AXDND1: variants seen among roughly 807,000 people sequenced by gnomAD.
The protein encoded by AXDND1 is axonemal dynein light chain domain containing 1.
A neutral mutation model predicts 137.5 loss-of-function variants in AXDND1; 110 were observed. That is an observed-to-expected ratio of 0.80 (90% confidence interval 0.69 to 0.94). The LOEUF is 0.94. Among genes scored for constraint, AXDND1 ranks in the 40% least tolerant of loss-of-function variants. The pLI, the probability that AXDND1 is intolerant of heterozygous loss-of-function variation, is 0.00. For missense variants in AXDND1, 1,191 were observed against 1,169.8 expected (o/e 1.02, Z -0.26); for synonymous variants, 414 against 399.7 (o/e 1.04, Z -0.43).
intron 12 of AXDND1, among the ~76,000 whole-genome samples, chr1:179,418,633 T>C (rs1655091472): frequency 3.5e-5 from 5 of 143,082 alleles, no homozygotes; most frequent in African/African-American, 5.3e-5. Context: ...CCCCCGCACC[T>C]CCCTCCCGGA....
intron 21 of AXDND1, among the ~76,000 whole-genome samples, chr1:179,522,470 A>C (rs1002836630): frequency 6.6e-6 from 1 of 152,144 alleles, no homozygotes; most frequent in Non-Finnish European, 1.5e-5. Context: ...ATTACAGCAT[A>C]GTATAATAGC....
chr1:179,463,116 TC>T (rs550685165), intron 16 of AXDND1, among the ~76,000 whole-genome samples: 58 of 152,330 alleles, frequency 3.8e-4, no homozygotes, highest in African/African-American at 1.4e-3. Context: ...TGTCTCTATC[TC>T]CTCAGTTCTG....
At chr1:179,539,159 T>C (rs753436014) in intron 25 of AXDND1, among the ~76,000 whole-genome samples, 2 of 152,232 alleles carry the variant, frequency 1.3e-5, no homozygotes, top group East Asian at 3.8e-4. Flanking sequence ...CCAGTCTGTA[T>C]CTTTTAATTG....
chr1:179,438,171 A>AATACATAAATAAATAC (rs71114505), intron 15 of AXDND1, among the ~76,000 whole-genome samples: 1 of 151,318 alleles, frequency 6.6e-6, no homozygotes, highest in African/African-American at 2.4e-5. Context: ...TAAATAAATA[A>AATACATAAATAAATAC]ATAAATAAAT....
rs141587887 is a variant in AXDND1 at position 179,396,473 on chromosome 1, C to A, written c.1109+1271C>A. Among the ~76,000 whole-genome samples the A allele has an allele frequency of 8.5e-3, 1,288 of 152,086 alleles. 23 individuals carry two copies. The highest frequency in any genetic ancestry group is 0.027 in the African/African-American group (1,113 of 41,492). ...GACCATCCTGGCCAACACGGTGAAA[C>A]CCTGTCTCTACTAAAAATACAAAAA... is the stretch of plus-strand genomic sequence containing the variant. On this transcript the variant is annotated intron_variant, in intron 11 of 25. Coordinates refer to ENST00000367618, the MANE Select transcript of AXDND1 (RefSeq NM_144696.6).
chr1:179,460,515 T>G lies in AXDND1; in HGVS notation c.1799-7928T>G, dbSNP rs183344422. ...AATAGTGCCACAATAAACGTAGGTG[T>G]GCATGTGTCTTTATAGCAGCATGAT... On this transcript the variant is annotated intron_variant, in intron 16 of 25. Transcript: ENST00000367618. 3.4e-3 allele frequency among the ~76,000 whole-genome samples: 515 copies of G among 152,318 alleles called. 2 individuals are homozygous for G. Among genetic ancestry groups the G allele is most frequent in the African/African-American group, 0.012 (484 of 41,564 alleles).
At chr1:179,495,040 C>T (rs1667303981) in intron 20 of AXDND1, among the ~76,000 whole-genome samples, 2 of 152,154 alleles carry the variant, frequency 1.3e-5, no homozygotes, top group Non-Finnish European at 2.9e-5. Flanking sequence ...TTATTCTGGA[C>T]ATTCTGTTGT....
intron 23 of AXDND1, 71 bp downstream of exon 23, chr1:179,528,502 A>C: frequency 9.0e-7 from 1 of 1,107,970 alleles, no homozygotes; most frequent in African/African-American, 1.5e-5. Context: ...TGGTGCTAAC[A>C]TAACTTTTAG....
chr1:179,418,133 G>GCGGC (rs1311339209), intron 12 of AXDND1, among the ~76,000 whole-genome samples: 6 of 151,738 alleles, frequency 4.0e-5, no homozygotes, highest in African/African-American at 1.4e-4. Context: ...AGAGGACCCT[G>GCGGC]CGGCCTTCCG....
At chr1:179,450,027 A>G (rs946833404) in intron 16 of AXDND1, 2 of 107,814 alleles carry the variant, frequency 1.9e-5, no homozygotes, top group African/African-American at 3.7e-5. Flanking sequence ...TTTTTGAGAC[A>G]GAGTGTTGCT....
intron 9 of AXDND1, among the ~76,000 whole-genome samples, chr1:179,385,993 C>G (rs1338319945): frequency 6.8e-6 from 1 of 147,400 alleles, no homozygotes; most frequent in African/African-American, 2.5e-5. Flanking sequence ...CCATCCTTGT[C>G]TTTATTCCCC....
rs1283266330 is a variant in AXDND1, at chr1:179,411,266, G to A, written c.1230G>A (p.Lys410=). The change falls in exon 12 of 26, where the codon AAG becomes AAA. Residue 410 remains lysine (K), a splice_region_variant and synonymous_variant. Coordinates refer to ENST00000367618, the MANE Select transcript of AXDND1 (RefSeq NM_144696.6). ...CAGCCACATATGAATTGGCCCTGAAGGTTAGTTCATCTGGATTCACAACTC... is the reference window on the plus strand; with the variant it reads ...CAGCCACATATGAATTGGCCCTGAAAGTTAGTTCATCTGGATTCACAACTC... The part of the protein sequence containing the change: ...WSSATYELAL[K]VIERNRVILA... The A allele has an allele frequency of 3.7e-6, 6 of 1,605,706 alleles. No individual in the cohort carries two copies. The highest frequency in any genetic ancestry group is 5.1e-6 in the Non-Finnish European group (6 of 1,177,684).
At chr1:179,446,311 G>C (rs1196978617) in intron 16 of AXDND1, among the ~76,000 whole-genome samples, 1 of 152,166 alleles carries the variant, frequency 6.6e-6, no homozygotes, top group East Asian at 1.9e-4. Flanking sequence ...ATTATCACTT[G>C]TGTTAGAATT....
chr1:179,530,016 G>A (rs776593169), intron 23 of AXDND1, among the ~76,000 whole-genome samples: 1 of 152,072 alleles, frequency 6.6e-6, no homozygotes, highest in Non-Finnish European at 1.5e-5. Flanking sequence ...CAGTGGGAAT[G>A]GAATACAATG....
chr1:179,388,544 A>G (rs969681554), intron 9 of AXDND1, among the ~76,000 whole-genome samples: 3 of 151,950 alleles, frequency 2.0e-5, no homozygotes, highest in African/African-American at 4.8e-5. Flanking sequence ...TGTGTCTATT[A>G]TGCTATAACC....
intron 16 of AXDND1, among the ~76,000 whole-genome samples, chr1:179,465,790 G>A (rs991254280): frequency 7.2e-5 from 11 of 152,170 alleles, no homozygotes; most frequent in Admixed American, 2.0e-4. Flanking sequence ...CTTCCTGGCC[G>A]CTTTGTTTAC....
At chr1:179,376,780 G>A (rs901929962) in intron 4 of AXDND1, among the ~76,000 whole-genome samples, 1 of 152,078 alleles carries the variant, frequency 6.6e-6, no homozygotes, top group African/African-American at 2.4e-5. Context: ...TAGGGACTGT[G>A]TCTATTTTAA....
chr1:179,551,316 T>G (rs745758471), intron 25 of AXDND1: 1 of 1,614,022 alleles, frequency 6.2e-7, no homozygotes, highest in Non-Finnish European at 8.5e-7. Context: ...AAAACCACAG[T>G]GGAAGGCTTC....
At chr1:179,522,151 A>G (rs1211671185) in intron 21 of AXDND1, among the ~76,000 whole-genome samples, 1 of 151,980 alleles carries the variant, frequency 6.6e-6, no homozygotes, top group Admixed American at 6.6e-5. Flanking sequence ...TCAATCCCCC[A>G]TGTCTCTTAA....
Sources: allele counts gnomAD v4.1 joint callset (sites outside exome capture counted in the v4.1 genomes callset), GRCh38; gene constraint gnomAD v4.1.1; transcripts MANE v1.5; gene names NCBI Gene and HGNC (gene_info 2026-07-23, HGNC 2026-07-21).